FRMD4B: variants seen among roughly 807,000 people sequenced by gnomAD.
FRMD4B encodes the protein FERM domain containing 4B.
Under a neutral mutation model 141.5 loss-of-function variants are expected in FRMD4B, and 74 were observed. That is an observed-to-expected ratio of 0.52 (90% confidence interval 0.43 to 0.63). The LOEUF (loss-of-function observed/expected upper bound fraction) is 0.63, where lower values mean the gene tolerates loss of function less well. FRMD4B is among the 30% of genes least tolerant of loss of function. FRMD4B has a pLI of 0.00. For synonymous variants in FRMD4B, 506 were observed against 467.9 expected, an observed-to-expected ratio of 1.08 and a Z score of -1.05; for missense variants, 1,366 against 1,253.4, an observed-to-expected ratio of 1.09 and a Z score of -1.36.
intron 2 of FRMD4B, among the ~76,000 whole-genome samples, chr3:69,393,648 G>A (rs934912126): frequency 6.6e-6 from 1 of 151,958 alleles, no homozygotes; most frequent in African/African-American, 2.4e-5. Context: ...TTAAAAATTG[G>A]TCTATATAGC....
chr3:69,402,473 T>C (rs181956760), intron 2 of FRMD4B, among the ~76,000 whole-genome samples: 174 of 152,336 alleles, frequency 1.1e-3, no homozygotes, highest in Admixed American at 5.4e-3. Flanking sequence ...ATTAACCCAA[T>C]TAATGTGTGG....
chr3:69,443,844 C>T (rs1242158199), intron 1 of FRMD4B, among the ~76,000 whole-genome samples: 1 of 152,174 alleles, frequency 6.6e-6, no homozygotes, highest in Non-Finnish European at 1.5e-5. Context: ...TACAAGAGGG[C>T]CTGAATTCTG....
rs899091014 is a variant in FRMD4B at position 69,249,149 on chromosome 3, T to C, written c.581+77A>G. Reference sequence around the variant, plus strand: ...CTACTTTCCTTTGATTTTGTATCCATTGTTATTTAAAATAACCACATAAAA... The same window carrying C: ...CTACTTTCCTTTGATTTTGTATCCACTGTTATTTAAAATAACCACATAAAA... On this transcript the variant is annotated intron_variant, in intron 7 of 22. Transcript: ENST00000398540. 3.3e-6 allele frequency: 3 copies of C among 897,378 alleles called. No individual in the cohort carries two copies. In the African/African-American group the frequency reaches 5.1e-5, roughly 15 times the overall value. The allele number at this position is 897,378 out of a possible 1,614,324, so 55.6% of individuals were successfully genotyped here. A position where few individuals can be genotyped will look rare whatever the true frequency, so the allele number is the denominator to read the frequency against.
chr3:69,492,227 C>T (rs1273383615), intron 1 of FRMD4B, among the ~76,000 whole-genome samples: 1 of 152,146 alleles, frequency 6.6e-6, no homozygotes, highest in African/African-American at 2.4e-5. Context: ...GATTTTGGCA[C>T]TTCTCCCATG....
chr3:69,440,321 T>C (rs931353689), intron 1 of FRMD4B, among the ~76,000 whole-genome samples: 1 of 152,360 alleles, frequency 6.6e-6, no homozygotes. Flanking sequence ...TGTTTTCCTC[T>C]GTAACTTCTA....
intron 5 of FRMD4B, among the ~76,000 whole-genome samples, chr3:69,273,678 T>A (rs2011055): frequency 0.21 from 32,481 of 152,114 alleles, 3,721 homozygotes; most frequent in Non-Finnish European, 0.26. Context: ...CAGTGTAAAC[T>A]ACATTTATTT....
At chr3:69,450,380 T>C (rs1334525922) in intron 1 of FRMD4B, among the ~76,000 whole-genome samples, 2 of 152,046 alleles carry the variant, frequency 1.3e-5, no homozygotes, top group African/African-American at 4.8e-5. Flanking sequence ...TTTCAGCTAC[T>C]TGGGAGACTG....
chr3:69,410,878 G>T lies in FRMD4B; in HGVS notation c.-1+21756C>A, dbSNP rs114942842. ...GGCTCAAGGAATCCTCCCATCTCAGGTCTCAAGAACAATATTTTTAATTAC... is the reference window on the plus strand; with the variant it reads ...GGCTCAAGGAATCCTCCCATCTCAGTTCTCAAGAACAATATTTTTAATTAC... On this transcript the variant is annotated intron_variant, in intron 2 of 5. Transcript: ENST00000459638. 4.7e-3 allele frequency among the ~76,000 whole-genome samples: 707 copies of T among 151,190 alleles called. 3 individuals carry two copies. Among genetic ancestry groups the T allele is most frequent in the African/African-American group, 0.016 (660 of 41,260 alleles).
At chr3:69,423,018 A>C (rs1336665673) in intron 2 of FRMD4B, among the ~76,000 whole-genome samples, 1 of 152,204 alleles carries the variant, frequency 6.6e-6, no homozygotes, top group Non-Finnish European at 1.5e-5. Context: ...TTGTTCAGGA[A>C]TGAAGGGAAG....
rs536717577 is a variant in FRMD4B at position 69,486,774 on chromosome 3, C to T, written c.-128-54013G>A. Among the ~76,000 whole-genome samples, 4 of 152,208 alleles carry T rather than the reference C, an allele frequency of 2.6e-5. No homozygotes were observed. In the East Asian group the frequency reaches 5.8e-4, roughly 22 times the overall value. The stretch of plus-strand genomic sequence containing the variant: ...GATTAGTTTGGTTAGAAGAGAAAAC[C>T]CATACACTGATGTGAGGCAAAGTAG... On this transcript the variant is annotated intron_variant, in intron 1 of 5. Coordinates refer to the FRMD4B transcript ENST00000459638.
intron 2 of FRMD4B, among the ~76,000 whole-genome samples, chr3:69,431,518 T>TA (rs1705179894): frequency 6.6e-6 from 1 of 152,232 alleles, no homozygotes; most frequent in African/African-American, 2.4e-5. Flanking sequence ...TACTCAATGA[T>TA]AAAATCAACC....
At chr3:69,359,000 C>A (rs898340789) in intron 1 of FRMD4B, among the ~76,000 whole-genome samples, 5 of 152,032 alleles carry the variant, frequency 3.3e-5, no homozygotes, top group African/African-American at 1.2e-4. Context: ...AATCTGTTTT[C>A]TTTATAAATT....
intron 2 of FRMD4B, among the ~76,000 whole-genome samples, chr3:69,425,249 G>C (rs181947802): frequency 6.6e-6 from 1 of 152,304 alleles, no homozygotes; most frequent in Admixed American, 6.5e-5. Flanking sequence ...GAAAGGACAT[G>C]CAGTAAATGT....
intron 2 of FRMD4B, among the ~76,000 whole-genome samples, chr3:69,431,607 C>A (rs1317517508): frequency 6.6e-6 from 1 of 152,160 alleles, no homozygotes; most frequent in East Asian, 1.9e-4. Flanking sequence ...ATCTACTGAG[C>A]AACTCTATAA....
chr3:69,453,858 G>C (rs1418542694), intron 1 of FRMD4B, among the ~76,000 whole-genome samples: 1 of 152,178 alleles, frequency 6.6e-6, no homozygotes, highest in Non-Finnish European at 1.5e-5. Context: ...GATGGATAAA[G>C]GATGAGTGAG....
chr3:69,505,990 T>C (rs1287390755), intron 1 of FRMD4B, among the ~76,000 whole-genome samples: 1 of 152,182 alleles, frequency 6.6e-6, no homozygotes, highest in Non-Finnish European at 1.5e-5. Flanking sequence ...CATTTACAGC[T>C]GCGTTTAATC....
chr3:69,497,900 G>A (rs938509942), intron 1 of FRMD4B, among the ~76,000 whole-genome samples: 1 of 152,144 alleles, frequency 6.6e-6, no homozygotes, highest in Non-Finnish European at 1.5e-5. Context: ...TCTTTTTGAT[G>A]TTTCCAGAAA....
intron 2 of FRMD4B, among the ~76,000 whole-genome samples, chr3:69,395,899 C>T (rs1704466301): frequency 1.3e-5 from 2 of 152,078 alleles, no homozygotes; most frequent in African/African-American, 4.8e-5. Context: ...GAGTCAATAA[C>T]AGAGAAAGAA....
intron 1 of FRMD4B, chr3:69,536,688 G>C: frequency 1.4e-6 from 1 of 720,336 alleles, no homozygotes; most frequent in Non-Finnish European, 2.5e-6. Context: ...ACTCCCAGGA[G>C]GGGAGGCATC....
Sources: gnomAD v4.1 joint callset for allele counts (sites outside exome capture counted in the v4.1 genomes callset) on GRCh38, gnomAD v4.1.1 for gene constraint, MANE v1.5 for transcripts, NCBI Gene and HGNC (gene_info 2026-07-23, HGNC 2026-07-21) for gene names.